Variants in UNC79 observed in about 807,000 individuals in gnomAD.
UNC79 encodes the protein protein unc-79 homolog.
In UNC79, 37 loss-of-function variants were observed where a neutral mutation model predicts 283.1. The observed-to-expected ratio is 0.13, with a 90% CI of 0.10 to 0.17. The LOEUF is 0.17. Among genes scored for constraint, UNC79 ranks in the 10% least tolerant of loss-of-function variants. UNC79 has a pLI of 1.00. For synonymous variants in UNC79, 1,107 were observed against 1,200.2 expected, an observed-to-expected ratio of 0.92 and a Z score of 1.61; for missense variants, 2,272 against 3,211.1, an observed-to-expected ratio of 0.71 and a Z score of 7.07.
chr14:93,611,672 C>T lies in UNC79; in HGVS notation c.3755-1125C>T, dbSNP rs77481913. Reference sequence around the variant, plus strand: ...GAACTCTTTGTTGCATCCTTTATACCGTAATAATAATGGGTGTAACCAAGG... The same window carrying T: ...GAACTCTTTGTTGCATCCTTTATACTGTAATAATAATGGGTGTAACCAAGG... On this transcript the variant is annotated intron_variant, in intron 26 of 48. Coordinates refer to ENST00000555664, the Ensembl canonical transcript of UNC79. 9.9e-5 allele frequency among the ~76,000 whole-genome samples: 15 copies of T among 151,970 alleles called. No homozygotes were observed. In the East Asian group the frequency reaches 2.5e-3, roughly 25 times the overall value.
At chr14:93,529,222 A>C in intron 9 of UNC79, 64 bp from the exon 10 acceptor site, 1 of 1,576,220 alleles carries the variant, frequency 6.3e-7, no homozygotes, top group South Asian at 1.1e-5. Context: ...GCAGCTTATA[A>C]ACATTCATGT....
At position 93,645,769 on chromosome 14, in the gene UNC79, T is replaced by G. The variant is rs1370494643; in HGVS notation, c.6045-839T>G. ...TAATTACTGTTACTGTTTAGTTTACTTGTCAATGTTTATCTATTTTTTGTA... is the reference window on the plus strand; with the variant it reads ...TAATTACTGTTACTGTTTAGTTTACGTGTCAATGTTTATCTATTTTTTGTA... On this transcript the variant is annotated intron_variant, in intron 34 of 48. Transcript: ENST00000555664. 2.0e-5 allele frequency among the ~76,000 whole-genome samples: 3 copies of G among 152,220 alleles called. No homozygotes were observed. In the East Asian group the frequency reaches 5.8e-4, roughly 29 times the overall value.
chr14:93,493,029 A>T (rs139664102), intron 5 of UNC79, among the ~76,000 whole-genome samples: 13 of 152,320 alleles, frequency 8.5e-5, no homozygotes, highest in African/African-American at 2.9e-4. Flanking sequence ...TCATAAAATC[A>T]AGTGTAAAAT....
At chr14:93,648,851 G>A (rs1192449632) in intron 35 of UNC79, among the ~76,000 whole-genome samples, 1 of 152,220 alleles carries the variant, frequency 6.6e-6, no homozygotes, top group Non-Finnish European at 1.5e-5. Context: ...AGCACTTGCT[G>A]AGTTTGACTT....
chr14:93,414,159 A>C (rs999997316), intron 1 of UNC79, among the ~76,000 whole-genome samples: 4 of 151,502 alleles, frequency 2.6e-5, no homozygotes, highest in African/African-American at 4.8e-5. Context: ...TTATGGTTTT[A>C]GGTCTAACGT....
chr14:93,602,595 T>C (rs2065591768), intron 25 of UNC79, among the ~76,000 whole-genome samples: 1 of 152,220 alleles, frequency 6.6e-6, no homozygotes, highest in African/African-American at 2.4e-5. Context: ...GCTCTTTTTT[T>C]GGTTCCGTAG....
At chr14:93,651,808 C>T (rs1048498770) in intron 35 of UNC79, among the ~76,000 whole-genome samples, 2 of 151,440 alleles carry the variant, frequency 1.3e-5, no homozygotes, top group East Asian at 1.9e-4. Flanking sequence ...GGTGCAATCT[C>T]GGCTCACAGC....
intron 7 of UNC79, among the ~76,000 whole-genome samples, chr14:93,522,396 G>A (rs1047814042): frequency 5.3e-5 from 8 of 152,002 alleles, no homozygotes; most frequent in Admixed American, 3.9e-4. Context: ...TGATAAGAAG[G>A]ATCCTAAGGC....
At chr14:93,364,560 T>A (rs531578405) in intron 1 of UNC79, among the ~76,000 whole-genome samples, 2 of 66,426 alleles carry the variant, frequency 3.0e-5, no homozygotes, top group African/African-American at 4.7e-5. Flanking sequence ...CCAGGCTCAG[T>A]TTCAACATAT....
chr14:93,527,039 C>A (rs1335283839), intron 8 of UNC79, among the ~76,000 whole-genome samples: 1 of 152,046 alleles, frequency 6.6e-6, no homozygotes, highest in Non-Finnish European at 1.5e-5. Context: ...TAATAGGCTG[C>A]AAAAAAGTAC....
chr14:93,374,545 G>A (rs1356602076), intron 1 of UNC79, among the ~76,000 whole-genome samples: 1 of 151,864 alleles, frequency 6.6e-6, no homozygotes, highest in Non-Finnish European at 1.5e-5. Flanking sequence ...CTTTTTTAAA[G>A]TCACTTTTTT....
chr14:93,401,297 G>A (rs1286946471), intron 1 of UNC79, among the ~76,000 whole-genome samples: 1 of 152,170 alleles, frequency 6.6e-6, no homozygotes, highest in African/African-American at 2.4e-5. Context: ...CACAGTTTTT[G>A]AGGGGTAGGA....
chr14:93,568,426 C>A (rs573207329), intron 14 of UNC79, among the ~76,000 whole-genome samples: 37 of 152,118 alleles, frequency 2.4e-4, no homozygotes, highest in Non-Finnish European at 4.7e-4. Flanking sequence ...GTAATCCCAG[C>A]AGTTTGGGAG....
intron 14 of UNC79, among the ~76,000 whole-genome samples, chr14:93,552,191 A>G (rs189732569): frequency 1.3e-5 from 2 of 152,378 alleles, no homozygotes; most frequent in African/African-American, 2.4e-5. Context: ...ATTTAAGTGA[A>G]TAGGCTGGAG....
intron 37 of UNC79, among the ~76,000 whole-genome samples, chr14:93,654,274 C>A (rs556029874): frequency 2.6e-5 from 4 of 151,994 alleles, no homozygotes; most frequent in Admixed American, 1.3e-4. Context: ...GAGGATTGCT[C>A]GAGGCCAGGA....
At chr14:93,428,995 G>A (rs1037805222), upstream of UNC79, among the ~76,000 whole-genome samples, 2 of 152,080 alleles carry the variant, frequency 1.3e-5, no homozygotes, top group Non-Finnish European at 2.9e-5. Flanking sequence ...GCAGATAAAG[G>A]GATAATAGGT....
intron 18 of UNC79, among the ~76,000 whole-genome samples, chr14:93,579,643 T>C (rs1312971152): frequency 1.3e-5 from 2 of 152,216 alleles, no homozygotes; most frequent in African/African-American, 2.4e-5. Context: ...GCTCCTGTGT[T>C]CTTTTGGCAC....
chr14:93,388,930 G>T (rs2054830471), intron 1 of UNC79, among the ~76,000 whole-genome samples: 1 of 152,162 alleles, frequency 6.6e-6, no homozygotes, highest in African/African-American at 2.4e-5. Flanking sequence ...CTTCCAGTAA[G>T]ATTCACCAGC....
At chr14:93,620,669 A>G (rs982135675) in intron 29 of UNC79, among the ~76,000 whole-genome samples, 3 of 152,156 alleles carry the variant, frequency 2.0e-5, no homozygotes, top group African/African-American at 7.2e-5. Flanking sequence ...AATGCTGCCA[A>G]TTGTCATGTG....
Sources: gnomAD v4.1 joint callset for allele counts (sites outside exome capture counted in the v4.1 genomes callset) on GRCh38, gnomAD v4.1.1 for gene constraint, MANE v1.5 for transcripts, NCBI Gene and HGNC (gene_info 2026-07-23, HGNC 2026-07-21) for gene names.